The following TSC2 variants were observed in gnomAD, a reference collection of about 807,000 sequenced individuals.
The protein encoded by TSC2 is tuberin.
A neutral mutation model predicts 202.2 loss-of-function variants in TSC2; 29 were observed. The observed-to-expected ratio is 0.14, with a 90% CI of 0.11 to 0.20. TSC2 has a LOEUF of 0.20. Ranked by LOEUF, TSC2 falls within the 10% of genes least tolerant of loss-of-function variation. The pLI is 1.00. For missense variants in TSC2, 2,429 were observed against 2,420.0 expected (o/e 1.00, Z -0.08); for synonymous variants, 1,349 against 1,044.0 (o/e 1.29, Z -5.63).
intron 36 of TSC2, among the ~76,000 whole-genome samples, 170 bp downstream of exon 36, chr16:2,085,492 G>A (rs1158914532): frequency 6.6e-6 from 1 of 152,206 alleles, no homozygotes; most frequent in African/African-American, 2.4e-5. Context: ...GAGTGCTGGG[G>A]ACCCCGGTGC....
intron 26 of TSC2, 36 bp downstream of exon 26, chr16:2,077,762 G>C (rs1253307117): frequency 1.9e-6 from 3 of 1,608,840 alleles, no homozygotes; most frequent in Middle Eastern, 3.9e-4. Flanking sequence ...ACGGACCCTG[G>C]AGCTTGGCCC....
At chr16:2,083,300 C>T (rs1385659650) in intron 32 of TSC2, 8 of 457,798 alleles carry the variant, frequency 1.7e-5, no homozygotes, top group Admixed American at 1.2e-4. Flanking sequence ...ACAGGGACTT[C>T]CCCCACGTCA....
chr16:2,072,557 G>T (rs2088626832), intron 20 of TSC2, 194 bp downstream of exon 20: 2 of 923,154 alleles, frequency 2.2e-6, no homozygotes, highest in East Asian at 2.6e-5. Context: ...CAGCTTTTGG[G>T]ACTGACGTCA....
chr16:2,073,781 C>A (rs531275503), intron 21 of TSC2, among the ~76,000 whole-genome samples: 1 of 152,382 alleles, frequency 6.6e-6, no homozygotes, highest in Admixed American at 6.5e-5. Flanking sequence ...AAGCTGTTCC[C>A]GGGACACTGC....
rs1195544121 is a variant in TSC2, at chr16:2,060,799, C to A, written c.1105C>A (p.Leu369Ile). Residue 369 changes from leucine to isoleucine, a missense_variant, in exon 11 of 42, where the codon CTT becomes ATT. By Grantham distance (5) the Leu-to-Ile change is conservative. Transcript: ENST00000219476. ...DILLNIIERL[L>I]QQLQTLDSPE... ...TCTGCTGAACATCATCGAACGGCTCCTTCAGCAGCTCCAGGTGGGGTGGGG... is the reference window on the plus strand; with the variant it reads ...TCTGCTGAACATCATCGAACGGCTCATTCAGCAGCTCCAGGTGGGGTGGGG... 9.9e-6 allele frequency: 16 copies of A among 1,613,662 alleles called. No individual in the cohort carries two copies. The highest frequency in any genetic ancestry group is 1.4e-5 in the Non-Finnish European group (16 of 1,179,902).
intron 7 of TSC2, 130 bp downstream of exon 7, chr16:2,056,374 C>G: frequency 7.6e-7 from 1 of 1,310,374 alleles, no homozygotes; most frequent in South Asian, 1.2e-5. Context: ...TCTCTCTGAG[C>G]CTCAGGAGTC....
chr16:2,054,766 C>T (rs544249709), intron 5 of TSC2: 5 of 447,310 alleles, frequency 1.1e-5, no homozygotes, highest in African/African-American at 6.0e-5. Context: ...TCAACCGGAG[C>T]GTACTGGTCC....
intron 4 of TSC2, chr16:2,054,018 G>A (rs1438431289): frequency 9.5e-6 from 5 of 527,026 alleles, no homozygotes; most frequent in African/African-American, 1.9e-5. Flanking sequence ...TGCAGGGGTC[G>A]GGCAGGAGCT....
intron 11 of TSC2, chr16:2,061,343 C>T (rs923596456): frequency 1.1e-5 from 3 of 281,702 alleles, no homozygotes; most frequent in East Asian, 9.0e-5. Context: ...GAAGGGAGGC[C>T]GGGACTTCGC....
chr16:2,070,697 T>C (rs2088179295), intron 17 of TSC2, 119 bp downstream of exon 17: 1 of 1,514,794 alleles, frequency 6.6e-7, no homozygotes, highest in Non-Finnish European at 8.9e-7. Flanking sequence ...CAGCTGACCG[T>C]CCCTCCTCTG....
In TSC2 at chr16:2,054,039, C is replaced by T. The variant is rs546875577; in HGVS notation, c.337-257C>T. 5.2e-5 allele frequency: 29 copies of T among 563,096 alleles called. No homozygotes were observed. In the East Asian group the frequency reaches 6.8e-4, roughly 13 times the overall value. 34.9% of individuals were successfully genotyped at this position (563,096 alleles called of 1,614,324 possible). A position where few individuals can be genotyped will look rare whatever the true frequency, so the allele number is the denominator to read the frequency against. On this transcript the variant is annotated intron_variant, in intron 4 of 41. Transcript: ENST00000219476. The stretch of plus-strand genomic sequence containing the variant: ...GGTCGGGCAGGAGCTGTGTCATCCC[C>T]TGCTCTGCGCCACCCGCTGTGCCAG...
chr16:2,054,931 C>T (rs1398867255), intron 5 of TSC2: 1 of 325,996 alleles, frequency 3.1e-6, no homozygotes, highest in Non-Finnish European at 5.9e-6. Flanking sequence ...GTTCTGTCGC[C>T]CAGAAAAGGG....
intron 16 of TSC2, 97 bp downstream of exon 16, chr16:2,065,732 C>A: frequency 9.3e-7 from 1 of 1,076,576 alleles, no homozygotes. Context: ...CCCAGCGGGA[C>A]CCACACCCTC....
chr16:2,059,614 G>T (rs1422467854), intron 10 of TSC2, among the ~76,000 whole-genome samples: 1 of 149,642 alleles, frequency 6.7e-6, no homozygotes, highest in Non-Finnish European at 1.5e-5. Context: ...CCGCCTCCCA[G>T]GTTCAAGCCA....
At chr16:2,081,354 G>A (rs2090121344) in intron 30 of TSC2, 1 of 585,020 alleles carries the variant, frequency 1.7e-6, no homozygotes, top group Non-Finnish European at 3.1e-6. Flanking sequence ...GGACTGTGAG[G>A]CTGTGGGCTG....
chr16:2,084,093 G>T, intron 33 of TSC2, 135 bp from the exon 34 acceptor site: 1 of 1,478,516 alleles, frequency 6.8e-7, no homozygotes, highest in Non-Finnish European at 9.2e-7. Flanking sequence ...ACGGGCGGGG[G>T]CCGTAGCCTG....
At chr16:2,081,956 C>G in intron 31 of TSC2, 158 bp downstream of exon 31, 6 of 1,095,756 alleles carry the variant, frequency 5.5e-6, no homozygotes, top group Non-Finnish European at 8.0e-6. Flanking sequence ...TGGGAGGAGG[C>G]TGACCCGTGG....
intron 14 of TSC2, 45 bp downstream of exon 14, chr16:2,063,098 C>T (rs2086844544): frequency 2.6e-6 from 4 of 1,547,456 alleles, no homozygotes; most frequent in Non-Finnish European, 3.5e-6. Context: ...GGCTATTTCT[C>T]CGTGGGCGGG....
chr16:2,077,423 C>T (rs1466415625), intron 25 of TSC2, 175 bp from the exon 26 acceptor site: 14 of 890,656 alleles, frequency 1.6e-5, no homozygotes, highest in Admixed American at 1.3e-4. Flanking sequence ...TGTTTTCTGT[C>T]TCTTCCCCGC....
Sources: allele counts gnomAD v4.1 joint callset (sites outside exome capture counted in the v4.1 genomes callset), GRCh38; gene constraint gnomAD v4.1.1; transcripts MANE v1.5; gene names NCBI Gene and HGNC (gene_info 2026-07-23, HGNC 2026-07-21).